The following NELFB variants were observed in gnomAD, a reference collection of about 807,000 sequenced individuals.
The protein encoded by NELFB is negative elongation factor complex member B, also known as negative elongation factor B.
A neutral mutation model predicts 60.2 loss-of-function variants in NELFB; 34 were observed. The observed-to-expected ratio is 0.56, with a 90% CI of 0.43 to 0.75. NELFB has a LOEUF of 0.75. Among genes scored for constraint, NELFB ranks in the 30% least tolerant of loss-of-function variants. The probability of loss-of-function intolerance (pLI) is 0.00; values close to 1 mark genes in which losing one functional copy is unlikely to be tolerated. For synonymous variants in NELFB, 459 were observed against 382.1 expected (o/e 1.20, Z -2.35); for missense variants, 770 against 831.6 (o/e 0.93, Z 0.91).
intron 8 of NELFB, 81 bp from the exon 9 acceptor site, chr9:137,266,862 CA>C: frequency 2.7e-6 from 4 of 1,503,890 alleles, no homozygotes; most frequent in Non-Finnish European, 3.6e-6. Context: ...GTGGGAGGGC[CA>C]GGGGCAGGGT....
At position 137,264,303 on chromosome 9, in the gene NELFB, G is replaced by T. The variant is rs757737702; in HGVS notation, c.986G>T (p.Arg329Leu). 1 of 1,604,242 alleles carries T rather than the reference G, an allele frequency of 6.2e-7. No individual in the cohort carries two copies. The highest frequency in any genetic ancestry group is 8.5e-7 in the Non-Finnish European group (1 of 1,176,570). ...CGGTTCGTGGACAGCAAGAGGGCGC[G>T]GGAGCTGCAGGGGTTTCTCGATGGC... The change falls in exon 6 of 13, where the codon CGG (arginine) becomes CTG (leucine). Residue 329 changes from arginine to leucine, a missense_variant. By Grantham distance (102) the Arg-to-Leu change is moderately radical. Transcript: ENST00000343053.
chr9:137,263,166 A>G lies in NELFB; in HGVS notation c.871A>G (p.Met291Val). 2.5e-6 allele frequency: 4 copies of G among 1,613,950 alleles called. No homozygotes were observed. The highest frequency in any genetic ancestry group is 1.3e-5 in the African/African-American group (1 of 75,026). Residue 291 changes from methionine (M) to valine (V), a missense_variant, in exon 5 of 13, where the codon ATG (methionine) becomes GTG (valine). Physicochemically the swap from Met to Val is conservative, Grantham distance 21. Transcript: ENST00000343053. Reference sequence around the variant, plus strand: ...CTGCACGCTGCGGGCTGAGCTGCTCATGTCCCTGCACGACCTGGACGTGGG... The same window carrying G: ...CTGCACGCTGCGGGCTGAGCTGCTCGTGTCCCTGCACGACCTGGACGTGGG...
At chr9:137,265,481 C>T (rs906948117) in intron 6 of NELFB, among the ~76,000 whole-genome samples, 2 of 139,968 alleles carry the variant, frequency 1.4e-5, no homozygotes, top group Admixed American at 8.3e-5. Context: ...CTCTGCCTCC[C>T]GGGTTCAAGT....
chr9:137,273,022 C>G lies in NELFB; in HGVS notation c.*94C>G. ...CCCGGACCTGGATGTACAGGGCAGT[C>G]TCTCTTCCCGGGGCTATGGCTGGGC... is the stretch of plus-strand genomic sequence containing the variant. On this transcript the variant is annotated 3_prime_UTR_variant, in exon 13 of 13. Transcript: ENST00000343053. The G allele has an allele frequency of 1.5e-6, 2 of 1,340,782 alleles. No individual in the cohort carries two copies. The highest frequency in any genetic ancestry group is 5.2e-5 in the East Asian group (2 of 38,552). The allele number at this position is 1,340,782 out of a possible 1,614,324, so 83.1% of individuals were successfully genotyped here.
In NELFB at chr9:137,256,976, G is replaced by C. The variant is rs1194953446; in HGVS notation, c.663G>C (p.Glu221Asp). The change falls in exon 4 of 13, where the codon GAG becomes GAC. Residue 221 changes from glutamate (E) to aspartate (D), a missense_variant. By Grantham distance (45) the Glu-to-Asp change is conservative (BLOSUM62 2). Transcript: ENST00000343053. ...TGAAGCAGTACATCCTGGAGAAGGA[G>C]AGCGCTCTCTTCAGTACAGAGCTCT... The C allele has an allele frequency of 6.2e-7, 1 of 1,614,144 alleles. No homozygotes were observed. The highest frequency in any genetic ancestry group is 2.2e-5 in the East Asian group (1 of 44,890).
chr9:137,256,754 C>T, intron 3 of NELFB, 70 bp from the exon 4 acceptor site: 2 of 1,495,630 alleles, frequency 1.3e-6, no homozygotes, highest in East Asian at 2.3e-5. Context: ...GGGCTGAGGC[C>T]TCTTGGCTTG....
chr9:137,270,185 A>G (rs1328897066), intron 10 of NELFB, among the ~76,000 whole-genome samples: 1 of 151,734 alleles, frequency 6.6e-6, no homozygotes, highest in Admixed American at 6.6e-5. Flanking sequence ...GGATGCGTTT[A>G]CAGGAGAATC....
chr9:137,262,897 T>G, intron 4 of NELFB, 140 bp from the exon 5 acceptor site: 2 of 787,372 alleles, frequency 2.5e-6, no homozygotes, highest in Non-Finnish European at 4.0e-6. Flanking sequence ...CAATATTTAA[T>G]GAGAGGAGGG....
chr9:137,271,620 G>T (rs1475617496), intron 10 of NELFB, among the ~76,000 whole-genome samples: 6 of 152,254 alleles, frequency 3.9e-5, no homozygotes, highest in East Asian at 1.9e-4. Flanking sequence ...CTTTCCTGTG[G>T]TTCAGTGTAG....
intron 4 of NELFB, among the ~76,000 whole-genome samples, chr9:137,260,610 G>C (rs1160957257): frequency 6.6e-6 from 1 of 150,494 alleles, no homozygotes; most frequent in Non-Finnish European, 1.5e-5. Flanking sequence ...CCACCACCAC[G>C]CCCGACTAAT....
At chr9:137,268,362 G>A (rs1830544704) in intron 10 of NELFB, among the ~76,000 whole-genome samples, 1 of 152,186 alleles carries the variant, frequency 6.6e-6, no homozygotes, top group African/African-American at 2.4e-5. Flanking sequence ...GAGGCGGGCG[G>A]ATCACGAGGT....
In NELFB at chr9:137,269,709, T is replaced by C. The variant is rs2118989566; in HGVS notation, c.1489+2363T>C. Among the ~76,000 whole-genome samples, 5 of 152,350 alleles carry C rather than the reference T, an allele frequency of 3.3e-5. 1 individual carries two copies. In the South Asian group the frequency reaches 1.0e-3, roughly 32 times the overall value. On this transcript the variant is annotated intron_variant, in intron 10 of 12. Coordinates refer to ENST00000343053, the MANE Select transcript of NELFB (RefSeq NM_015456.5). This position sits in a 1 kb window ranked among gnomAD's most constrained non-coding sequence, Gnocchi z 5.3. ...AGCCCAGTGTGCAGTGGGTGGCACC[T>C]TCTGGATTTGTGTCAGTCACTGTGG...
rs1477689845 is a variant in NELFB, at chr9:137,264,220, T to C, written c.928-25T>C. 2.6e-6 allele frequency: 4 copies of C among 1,546,524 alleles called. No individual in the cohort carries two copies. In the South Asian group the frequency reaches 4.7e-5, roughly 18 times the overall value. The stretch of plus-strand genomic sequence containing the variant: ...GGTCATCCTGGGAGGTTTGGGCTGG[T>C]CCCGACCGTGCTTCCTCCTTGCAGT... On this transcript the variant is annotated intron_variant, in intron 5 of 12. Transcript: ENST00000343053.
chr9:137,258,963 G>A (rs745427650), intron 4 of NELFB, among the ~76,000 whole-genome samples: 43 of 152,174 alleles, frequency 2.8e-4, no homozygotes, highest in Non-Finnish European at 5.1e-4. Context: ...TAGTACTTTG[G>A]GAGGCGGAGG....
At chr9:137,255,833 C>T (rs934840947) in intron 1 of NELFB, 74 bp from the exon 2 acceptor site, 153 of 1,573,722 alleles carry the variant, frequency 9.7e-5, no homozygotes, top group Middle Eastern at 1.7e-4. Flanking sequence ...GGGTGCGTGC[C>T]TCCCTGTGCT....
chr9:137,264,988 GAC>G (rs1375966893), intron 6 of NELFB, among the ~76,000 whole-genome samples: 1 of 151,028 alleles, frequency 6.6e-6, no homozygotes, highest in Non-Finnish European at 1.5e-5. Context: ...CTGGTGTATA[GAC>G]ACAGTGCTGC....
Position 137,256,441 on chromosome 9 carries a change from C to G in NELFB, c.510+13C>G. On this transcript the variant is annotated intron_variant, in intron 3 of 12. Transcript: ENST00000343053. Reference sequence around the variant, plus strand: ...GCACCTGCCCAAGGTAGGGCCCTAACCCTAACCCTGATGGCGTGGACCGTC... The same window carrying G: ...GCACCTGCCCAAGGTAGGGCCCTAAGCCTAACCCTGATGGCGTGGACCGTC... 6.2e-7 allele frequency: 1 copy of G among 1,610,948 alleles called. No homozygotes were observed. The highest frequency in any genetic ancestry group is 1.1e-5 in the South Asian group (1 of 90,998).
chr9:137,264,187 G>A (rs575919007), intron 5 of NELFB, 58 bp from the exon 6 acceptor site: 4 of 1,353,286 alleles, frequency 3.0e-6, no homozygotes, highest in Non-Finnish European at 2.1e-6. Flanking sequence ...TTTGGGGCCT[G>A]GGTCTCTGGT....
rs1837576928 is a variant in NELFB, at chr9:137,257,629, A to C, written c.741+575A>C. On this transcript the variant is annotated intron_variant, in intron 4 of 12. Transcript: ENST00000343053. ...GCAATTCTCCTGCCTCAGCCTCCCG[A>C]GTAGCTGGGATTACAGGCATGCATC... 4.6e-5 allele frequency among the ~76,000 whole-genome samples: 7 copies of C among 151,280 alleles called. No individual in the cohort carries two copies. The South Asian group carries it at 1.5e-3, about 32-fold the overall frequency.
Sources: gnomAD v4.1 joint callset for allele counts (sites outside exome capture counted in the v4.1 genomes callset) on GRCh38, gnomAD v4.1.1 for gene constraint, Gnocchi (gnomAD v3.1) non-coding constraint, MANE v1.5 for transcripts, NCBI Gene and HGNC (gene_info 2026-07-23, HGNC 2026-07-21) for gene names.